G6PC1: variants seen among roughly 807,000 people sequenced by gnomAD.
G6PC1 encodes glucose-6-phosphatase catalytic subunit 1.
A neutral mutation model predicts 30.4 loss-of-function variants in G6PC1; 23 were observed. The observed-to-expected ratio is 0.76, with a 90% CI of 0.55 to 1.07. The LOEUF is 1.07. Ranked by LOEUF, G6PC1 falls within the 50% of genes least tolerant of loss-of-function variation. The probability of loss-of-function intolerance (pLI) is 0.00; values close to 1 mark genes in which losing one functional copy is unlikely to be tolerated. For missense variants in G6PC1, 391 were observed against 433.9 expected (o/e 0.90, Z 0.88); for synonymous variants, 163 against 175.6 (o/e 0.93, Z 0.57).
In G6PC1 at chr17:42,911,028, C is replaced by G. The variant is rs765763631; in HGVS notation, c.676C>G (p.Leu226Val). 4 of 1,614,228 alleles carry G rather than the reference C, an allele frequency of 2.5e-6. No homozygotes were observed. The highest frequency in any genetic ancestry group is 3.4e-6 in the Non-Finnish European group (4 of 1,180,032). The change falls in exon 5 of 5, where the codon CTG becomes GTG. Residue 226 changes from leucine (L) to valine (V), a missense_variant. By Grantham distance (32) the Leu-to-Val change is conservative (BLOSUM62 1). Transcript: ENST00000253801. ...LFSFAIGFYL[L>V]LKGLGVDLLW... ...CAGCTTCGCCATCGGATTTTATCTG[C>G]TGCTCAAGGGACTGGGTGTAGACCT... is the stretch of plus-strand genomic sequence containing the variant.
chr17:42,908,495 T>C (rs1317027903), intron 3 of G6PC1, among the ~76,000 whole-genome samples: 2 of 141,188 alleles, frequency 1.4e-5, no homozygotes, highest in Non-Finnish European at 1.5e-5. Flanking sequence ...CAACCTCCGC[T>C]TCCTGGGTTC....
chr17:42,900,868 G>A lies in G6PC1; in HGVS notation c.-9G>A. On this transcript the variant is annotated 5_prime_UTR_variant, in exon 1 of 5. Transcript: ENST00000253801. ...GCTGACATCTTCCTGAGGTGCCAAG[G>A]AAATGAGGATGGAGGAAGGAATGAA... The A allele has an allele frequency of 6.2e-7, 1 of 1,612,214 alleles. No individual in the cohort carries two copies. The highest frequency in any genetic ancestry group is 8.5e-7 in the Non-Finnish European group (1 of 1,178,276).
chr17:42,907,725 C>G (rs924385591), intron 3 of G6PC1, 97 bp downstream of exon 3: 1 of 833,096 alleles, frequency 1.2e-6, no homozygotes, highest in African/African-American at 1.7e-5. Flanking sequence ...CCCCCTAGCC[C>G]GCTCCCACAC....
chr17:42,908,853 G>A (rs1421993311), intron 3 of G6PC1, among the ~76,000 whole-genome samples: 1 of 151,718 alleles, frequency 6.6e-6, no homozygotes, highest in African/African-American at 2.4e-5. Context: ...ACAGGCGTGA[G>A]CCACCCCACC....
chr17:42,901,944 A>G (rs2056029059), intron 1 of G6PC1, among the ~76,000 whole-genome samples: 1 of 152,210 alleles, frequency 6.6e-6, no homozygotes, highest in African/African-American at 2.4e-5. Context: ...AACATTTATT[A>G]AACAGTGTGT....
At chr17:42,901,324 G>A (rs1465228784) in intron 1 of G6PC1, among the ~76,000 whole-genome samples, 1 of 152,150 alleles carries the variant, frequency 6.6e-6, no homozygotes. Context: ...TATTTCATAT[G>A]GGTTAAAGGG....
Position 42,911,127 on chromosome 17 carries a change from G to A in G6PC1, c.775G>A (p.Ala259Thr), listed in dbSNP as rs1213992922. The A allele has an allele frequency of 1.9e-6, 3 of 1,614,004 alleles. No individual in the cohort carries two copies. Among genetic ancestry groups the A allele is most frequent in the African/African-American group, 1.3e-5 (1 of 74,912 alleles). ...EWVHIDTTPF[A>T]SLLKNLGTLF... Reference sequence around the variant, plus strand: ...GGTCCACATTGACACCACACCCTTTGCCAGCCTCCTCAAGAACCTGGGCAC... The same window carrying A: ...GGTCCACATTGACACCACACCCTTTACCAGCCTCCTCAAGAACCTGGGCAC... Residue 259 changes from alanine to threonine, a missense_variant, in exon 5 of 5, where the codon GCC becomes ACC. Coordinates refer to ENST00000253801, the MANE Select transcript of G6PC1 (RefSeq NM_000151.4).
intron 2 of G6PC1, among the ~76,000 whole-genome samples, chr17:42,905,443 T>TATATACACAC (rs1223207559): frequency 4.5e-5 from 4 of 87,928 alleles, no homozygotes; most frequent in Admixed American, 1.4e-4. Flanking sequence ...TATATATATA[T>TATATACACAC]ACACACACAC....
chr17:42,904,572 CAG>C (rs1157286295), intron 2 of G6PC1, among the ~76,000 whole-genome samples: 1 of 152,200 alleles, frequency 6.6e-6, no homozygotes, highest in East Asian at 1.9e-4. Context: ...ATCCCTTCCT[CAG>C]AGACCCTTTC....
intron 2 of G6PC1, among the ~76,000 whole-genome samples, chr17:42,905,368 A>T (rs1344224013): frequency 6.7e-6 from 1 of 149,112 alleles, no homozygotes; most frequent in Non-Finnish European, 1.5e-5. Context: ...GTGAGCCAAG[A>T]TTGCGCCATT....
rs368041878 is a variant in G6PC1 at position 42,911,222 on chromosome 17, G to A, written c.870G>A (p.Lys290=). The part of the protein sequence containing the change: ...YRESCKGKLS[K]WLPFRLSSIV... ...AGAGCTGCAAGGGGAAACTCAGCAA[G>A]TGGCTCCCATTCCGCCTCAGCTCTA... Residue 290 remains lysine, a synonymous_variant, in exon 5 of 5, where the codon AAG becomes AAA. Coordinates refer to ENST00000253801, the MANE Select transcript of G6PC1 (RefSeq NM_000151.4). The A allele has an allele frequency of 1.5e-5, 24 of 1,614,066 alleles. No individual in the cohort carries two copies. The highest frequency in any genetic ancestry group is 1.8e-5 in the Non-Finnish European group (21 of 1,180,048).
intron 2 of G6PC1, among the ~76,000 whole-genome samples, chr17:42,905,443 TACACAC>T (rs748185736): frequency 8.6e-4 from 76 of 87,924 alleles, no homozygotes; most frequent in Middle Eastern, 8.6e-3. Context: ...TATATATATA[TACACAC>T]ACACACACAC....
chr17:42,911,086 GCGAGCAGCC>G lies in G6PC1; in HGVS notation c.735_743del (p.Cys245_Pro248delinsTer). 6.2e-7 allele frequency: 1 copy of G among 1,614,152 alleles called. No individual in the cohort carries two copies. Among genetic ancestry groups the G allele is most frequent in the Non-Finnish European group, 8.5e-7 (1 of 1,180,024 alleles). ...ACTCTGGAGAAAGCCCAGAGGTGGT[GCGAGCAGCC>G]AGAATGGGTCCACATTGACACCACA... On this transcript the variant is annotated stop_gained and inframe_deletion, in exon 5 of 5. Coordinates refer to ENST00000253801, the MANE Select transcript of G6PC1 (RefSeq NM_000151.4). LOFTEE classifies it high-confidence loss of function.
chr17:42,912,766 T>A lies in G6PC1; in HGVS notation c.*1340T>A, dbSNP rs2056104309. 6.6e-6 allele frequency: 1 copy of A among 152,022 alleles called. No individual in the cohort carries two copies. The highest frequency in any genetic ancestry group is 1.5e-5 in the Non-Finnish European group (1 of 68,046). 9.4% of individuals were successfully genotyped at this position (152,022 alleles called of 1,614,324 possible). On this transcript the variant is annotated 3_prime_UTR_variant, in exon 5 of 5. Transcript: ENST00000253801. ...CTGGGACTACAGGTGCAAGCCACTA[T>A]GTCCAGCTAGCCAACTCCTCCTTGC...
In G6PC1 at chr17:42,911,082, T is replaced by G. The variant is rs1481119979; in HGVS notation, c.730T>G (p.Trp244Gly). Residue 244 changes from tryptophan (W) to glycine (G), a missense_variant, in exon 5 of 5, where the codon TGG becomes GGG. Trp to Gly is a radical substitution (Grantham distance 184). Coordinates refer to ENST00000253801, the MANE Select transcript of G6PC1 (RefSeq NM_000151.4). ...LLWTLEKAQR[W>G]CEQPEWVHID... is the part of the protein sequence containing the mutation. ...GTGGACTCTGGAGAAAGCCCAGAGG[T>G]GGTGCGAGCAGCCAGAATGGGTCCA... The G allele has an allele frequency of 6.2e-7, 1 of 1,613,850 alleles. No individual in the cohort carries two copies. Among genetic ancestry groups the G allele is most frequent in the South Asian group, 1.1e-5 (1 of 91,070 alleles).
At position 42,912,223 on chromosome 17, in the gene G6PC1, T is replaced by C. The variant is rs552220012; in HGVS notation, c.*797T>C. ...TAATAGATGGTTAGTGGGGTAATTCTGCTTCTAGTATTTTTTTTACTGTGC... is the reference window on the plus strand; with the variant it reads ...TAATAGATGGTTAGTGGGGTAATTCCGCTTCTAGTATTTTTTTTACTGTGC... On this transcript the variant is annotated 3_prime_UTR_variant, in exon 5 of 5. Coordinates refer to ENST00000253801, the MANE Select transcript of G6PC1 (RefSeq NM_000151.4). 6.6e-6 allele frequency: 1 copy of C among 152,470 alleles called. No individual in the cohort carries two copies. Among genetic ancestry groups the C allele is most frequent in the South Asian group, 2.1e-4 (1 of 4,830 alleles). 9.4% of individuals were successfully genotyped at this position (152,470 alleles called of 1,614,324 possible).
chr17:42,911,333 C>T lies in G6PC1; in HGVS notation c.981C>T (p.Phe327=). 1 of 1,614,236 alleles carries T rather than the reference C, an allele frequency of 6.2e-7. No individual in the cohort carries two copies. The highest frequency in any genetic ancestry group is 1.1e-5 in the South Asian group (1 of 91,092). Reference sequence around the variant, plus strand: ...AGCTGGTCTTCTACGTCTTGTCCTTCTGCAAGAGTGCGGTAGTGCCCCTGG... The same window carrying T: ...AGCTGGTCTTCTACGTCTTGTCCTTTTGCAAGAGTGCGGTAGTGCCCCTGG... ...QVELVFYVLS[F]CKSAVVPLAS... is the part of the protein sequence containing the mutation. The change falls in exon 5 of 5, where the codon TTC becomes TTT. Residue 327 remains phenylalanine (F), a synonymous_variant. Transcript: ENST00000253801.
chr17:42,906,498 A>G (rs1490336343), intron 2 of G6PC1, among the ~76,000 whole-genome samples: 1 of 152,146 alleles, frequency 6.6e-6, no homozygotes, highest in African/African-American at 2.4e-5. Flanking sequence ...CTCAACAGCT[A>G]CGAAATAAGT....
chr17:42,903,871 T>TA (rs1180397618), intron 1 of G6PC1, 60 bp from the exon 2 acceptor site: 1 of 1,111,326 alleles, frequency 9.0e-7, no homozygotes, highest in African/African-American at 1.5e-5. Context: ...CTTGAAGGTG[T>TA]AGGCTTTGGG....
Sources: gnomAD v4.1 joint callset for allele counts (sites outside exome capture counted in the v4.1 genomes callset) on GRCh38, gnomAD v4.1.1 for gene constraint, MANE v1.5 for transcripts, NCBI Gene and HGNC (gene_info 2026-07-23, HGNC 2026-07-21) for gene names.